The following LRRC7 variants were observed in gnomAD, a reference collection of about 807,000 sequenced individuals.
LRRC7 encodes leucine-rich repeat-containing protein 7.
Under a neutral mutation model 175.7 loss-of-function variants are expected in LRRC7, and 23 were observed. That is an observed-to-expected ratio of 0.13 (90% CI 0.09 to 0.19). LRRC7 has a LOEUF of 0.19. LRRC7 is among the 10% of genes least tolerant of loss of function. The pLI, the probability that LRRC7 is intolerant of heterozygous loss-of-function variation, is 1.00. For synonymous variants in LRRC7, 685 were observed against 680.9 expected, an observed-to-expected ratio of 1.01 and a Z score of -0.09; for missense variants, 1,354 against 1,904.7, an observed-to-expected ratio of 0.71 and a Z score of 5.38.
intron 3 of LRRC7, among the ~76,000 whole-genome samples, chr1:69,760,844 C>T (rs1670961857): frequency 6.6e-6 from 1 of 151,922 alleles, no homozygotes; most frequent in Non-Finnish European, 1.5e-5. Context: ...TTATGAAAAA[C>T]ATGTTTTTGT....
chr1:69,838,623 C>T lies in LRRC7; in HGVS notation c.647+340C>T, dbSNP rs146379773. On this transcript the variant is annotated intron_variant, in intron 7 of 26. Transcript: ENST00000651989. ...TCACAAGGTTCAACCTAATAGGATGCTTAATTCTTCAAGTTAATTTATGGA... is the reference window on the plus strand; with the variant it reads ...TCACAAGGTTCAACCTAATAGGATGTTTAATTCTTCAAGTTAATTTATGGA... Among the ~76,000 whole-genome samples, 499 of 151,908 alleles carry T rather than the reference C, an allele frequency of 3.3e-3. 1 individual carries two copies. The highest frequency in any genetic ancestry group is 0.011 in the African/African-American group (450 of 41,520).
At position 70,127,103 on chromosome 1, in the gene LRRC7, A is replaced by G. The variant is rs1373798702; in HGVS notation, c.*5216A>G. On this transcript the variant is annotated 3_prime_UTR_variant, in exon 27 of 27. Transcript: ENST00000651989. ...TAGTAGCATTAACTAAGGCCCAAAG[A>G]TGGAGTGCTTATAATGTTACTGACA... Among the ~76,000 whole-genome samples, 1 of 152,188 alleles carries G rather than the reference A, an allele frequency of 6.6e-6. No homozygotes were observed. Among genetic ancestry groups the G allele is most frequent in the Non-Finnish European group, 1.5e-5 (1 of 68,036 alleles).
intron 7 of LRRC7, among the ~76,000 whole-genome samples, chr1:69,907,377 G>T (rs1230650272): frequency 6.6e-6 from 1 of 152,146 alleles, no homozygotes. Context: ...TGCCCATTCA[G>T]TATGATATTG....
intron 18 of LRRC7, 122 bp downstream of exon 18, chr1:70,028,493 C>T: frequency 1.2e-6 from 1 of 865,058 alleles, no homozygotes; most frequent in Non-Finnish European, 1.8e-6. Flanking sequence ...TAAATGATCT[C>T]TCTACTTTTT....
chr1:69,695,436 T>C (rs538244510), intron 2 of LRRC7, among the ~76,000 whole-genome samples: 3 of 152,262 alleles, frequency 2.0e-5, no homozygotes, highest in African/African-American at 7.2e-5. Flanking sequence ...GCATAAAAGT[T>C]TAGAAAATTC....
At chr1:69,702,311 T>C (rs562924557) in intron 2 of LRRC7, among the ~76,000 whole-genome samples, 2 of 152,334 alleles carry the variant, frequency 1.3e-5, no homozygotes, top group Non-Finnish European at 2.9e-5. Flanking sequence ...GTGCATCAGT[T>C]CTTACTGCTC....
intron 23 of LRRC7, among the ~76,000 whole-genome samples, chr1:70,053,692 C>A (rs1351134575): frequency 6.6e-6 from 1 of 151,964 alleles, no homozygotes; most frequent in Middle Eastern, 3.2e-3. Flanking sequence ...TATTACATAA[C>A]AGATCCCCAC....
intron 24 of LRRC7, among the ~76,000 whole-genome samples, chr1:70,085,897 A>G (rs1167701479): frequency 2.6e-5 from 4 of 152,158 alleles, no homozygotes; most frequent in African/African-American, 9.7e-5. Flanking sequence ...GAATCAATAA[A>G]TATTTGTGGA....
rs1048152184 is a variant in LRRC7, at chr1:70,126,518, T to A, written c.*4631T>A. Among the ~76,000 whole-genome samples, 1 of 152,108 alleles carries A rather than the reference T, an allele frequency of 6.6e-6. No homozygotes were observed. The highest frequency in any genetic ancestry group is 2.4e-5 in the African/African-American group (1 of 41,416). On this transcript the variant is annotated 3_prime_UTR_variant, in exon 27 of 27. Transcript: ENST00000651989. ...TTGGGGGGCATCTCCAGGTTGGTGA[T>A]CACTTGCATGAACATTTTTCCTTAG...
intron 13 of LRRC7, among the ~76,000 whole-genome samples, chr1:70,014,699 T>C (rs1656817235): frequency 6.6e-6 from 1 of 152,022 alleles, no homozygotes; most frequent in Non-Finnish European, 1.5e-5. Context: ...TATTATAATT[T>C]TGTATTTAAA....
In LRRC7 at chr1:70,023,191, G is replaced by A; in HGVS notation, c.1611G>A (p.Leu537=). The change falls in exon 17 of 27, where the codon CTG becomes CTA. Residue 537 remains leucine, a synonymous_variant. Coordinates refer to ENST00000651989, the MANE Select transcript of LRRC7 (RefSeq NM_001370785.2). The stretch of plus-strand genomic sequence containing the variant: ...GGATTACTCTCCAACCTGCCAGACT[G>A]TCTGGCGATTGCTGCACACCATGGG... ...QRGITLQPAR[L]SGDCCTPWAR... The A allele has an allele frequency of 6.3e-7, 1 of 1,585,228 alleles. No individual in the cohort carries two copies. The highest frequency in any genetic ancestry group is 8.6e-7 in the Non-Finnish European group (1 of 1,161,950).
chr1:70,129,930 A>G lies in LRRC7; in HGVS notation c.*8043A>G, dbSNP rs936425247. Among the ~76,000 whole-genome samples the G allele has an allele frequency of 3.9e-5, 6 of 152,112 alleles. No individual in the cohort carries two copies. The highest frequency in any genetic ancestry group is 8.8e-5 in the Non-Finnish European group (6 of 68,014). On this transcript the variant is annotated 3_prime_UTR_variant, in exon 27 of 27. Coordinates refer to ENST00000651989, the MANE Select transcript of LRRC7 (RefSeq NM_001370785.2). Reference sequence around the variant, plus strand: ...CTTTTCCAAGTATTCGCTGTGTTTTATATTTCAGCTTTTGCCCACACTATC... The same window carrying G: ...CTTTTCCAAGTATTCGCTGTGTTTTGTATTTCAGCTTTTGCCCACACTATC...
chr1:69,570,173 AAG>A (rs1043500660), intron 1 of LRRC7, among the ~76,000 whole-genome samples: 3 of 152,078 alleles, frequency 2.0e-5, no homozygotes, highest in African/African-American at 7.2e-5. Context: ...CGTGGGCGAG[AAG>A]AGTGCATTCC....
chr1:69,817,149 G>T (rs986233716), intron 4 of LRRC7, among the ~76,000 whole-genome samples: 1 of 151,644 alleles, frequency 6.6e-6, no homozygotes, highest in African/African-American at 2.4e-5. Flanking sequence ...TGTGCTTTTG[G>T]TGTCACATTC....
intron 7 of LRRC7, among the ~76,000 whole-genome samples, chr1:69,861,699 TCAGGTGTCCATA>T (rs765030484): frequency 2.6e-5 from 4 of 152,188 alleles, no homozygotes; most frequent in Non-Finnish European, 4.4e-5. Context: ...ACAGCAGGAT[TCAGGTGTCCATA>T]CAGGTGTCCA....
chr1:69,977,130 C>T (rs1431565345), intron 8 of LRRC7, among the ~76,000 whole-genome samples: 1 of 152,184 alleles, frequency 6.6e-6, no homozygotes, highest in African/African-American at 2.4e-5. Context: ...CACTCCCTCG[C>T]CCCCATATCC....
chr1:69,665,128 T>G (rs1354180807), intron 1 of LRRC7, among the ~76,000 whole-genome samples: 1 of 152,164 alleles, frequency 6.6e-6, no homozygotes, highest in African/African-American at 2.4e-5. Flanking sequence ...TATATGGATT[T>G]ATCTCTGGGT....
At chr1:70,081,778 T>C (rs1234251237) in intron 24 of LRRC7, among the ~76,000 whole-genome samples, 2 of 152,064 alleles carry the variant, frequency 1.3e-5, no homozygotes, top group African/African-American at 4.8e-5. Flanking sequence ...CCCTAACATA[T>C]CAAAATGGCA....
At chr1:69,874,080 A>T (rs969468932) in intron 7 of LRRC7, 2 of 152,148 alleles carry the variant, frequency 1.3e-5, no homozygotes, top group Non-Finnish European at 2.9e-5. Context: ...CCCAGATGGC[A>T]CAAGTCAAAA....
Sources: gnomAD v4.1 joint callset for allele counts (sites outside exome capture counted in the v4.1 genomes callset) on GRCh38, gnomAD v4.1.1 for gene constraint, MANE v1.5 for transcripts, NCBI Gene and HGNC (gene_info 2026-07-23, HGNC 2026-07-21) for gene names.